The following ABCC2 variants were observed in gnomAD, a reference collection of about 807,000 sequenced individuals.
ABCC2 encodes ATP binding cassette subfamily C member 2.
In ABCC2, 157 loss-of-function variants were observed where a neutral mutation model predicts 173.4. That is an observed-to-expected ratio of 0.91 (90% confidence interval 0.80 to 1.03). ABCC2 has a LOEUF of 1.03. Ranked by LOEUF, ABCC2 falls within the 50% of genes least tolerant of loss-of-function variation. The pLI is 0.00. For missense variants in ABCC2, 1,822 were observed against 1,852.3 expected (o/e 0.98, Z 0.30); for synonymous variants, 657 against 693.5 (o/e 0.95, Z 0.83).
At chr10:99,809,159 C>T (rs575684716) in intron 13 of ABCC2, among the ~76,000 whole-genome samples, 1 of 152,138 alleles carries the variant, frequency 6.6e-6, no homozygotes, top group African/African-American at 2.4e-5. Flanking sequence ...TTGAGACCAG[C>T]CTGGCCAACA....
rs1190466156 is a variant in ABCC2, at chr10:99,795,720, GAAGA to G, written c.632+1266_632+1269del. On this transcript the variant is annotated intron_variant, in intron 6 of 31. Coordinates refer to ENST00000647814, the MANE Select transcript of ABCC2 (RefSeq NM_000392.5). ...ATCAAAAGAAAGAGAGAGAGAGAGA[GAAGA>G]AAGAAAGAAAGAAGGAAAGAAAGAA... is the stretch of plus-strand genomic sequence containing the variant. 3.9e-3 allele frequency among the ~76,000 whole-genome samples: 482 copies of G among 122,756 alleles called. 7 individuals are homozygous for G. Among genetic ancestry groups the G allele is most frequent in the Middle Eastern group, 0.017 (4 of 242 alleles). 80.5% of individuals were successfully genotyped at this position (122,756 alleles called of 152,430 possible).
chr10:99,814,192 CATGT>C (rs1203107954), intron 16 of ABCC2, among the ~76,000 whole-genome samples: 45 of 81,630 alleles, frequency 5.5e-4, no homozygotes, highest in Middle Eastern at 0.01. Flanking sequence ...TGTATACACA[CATGT>C]GTATATATAC....
Position 99,831,827 on chromosome 10 carries a change from C to A in ABCC2, c.3100C>A (p.Gln1034Lys). 1 of 1,614,044 alleles carries A rather than the reference C, an allele frequency of 6.2e-7. No homozygotes were observed. The highest frequency in any genetic ancestry group is 2.2e-5 in the East Asian group (1 of 44,882). The part of the protein sequence containing the change: ...VGVYGALGLA[Q>K]GIFVFIAHFW... ...AGTCTACGGAGCTCTGGGATTAGCC[C>A]AAGGTATGTCTGATGGCTATGACAT... is the stretch of plus-strand genomic sequence containing the variant. Residue 1034 changes from glutamine (Q) to lysine (K), a missense_variant, in exon 22 of 32, where the codon CAA becomes AAA. By Grantham distance (53) the Gln-to-Lys change is moderately conservative (BLOSUM62 1). Coordinates refer to ENST00000647814, the MANE Select transcript of ABCC2 (RefSeq NM_000392.5).
chr10:99,832,772 A>G (rs1379949005), intron 23 of ABCC2, among the ~76,000 whole-genome samples: 1 of 152,226 alleles, frequency 6.6e-6, no homozygotes, highest in African/African-American at 2.4e-5. Flanking sequence ...TATTGTTTCC[A>G]TCTACCACAG....
At chr10:99,819,837 C>T (rs943810269) in intron 19 of ABCC2, among the ~76,000 whole-genome samples, 6 of 152,218 alleles carry the variant, frequency 3.9e-5, no homozygotes, top group Non-Finnish European at 5.9e-5. Context: ...ATATCACCAC[C>T]ATTGGGTTCA....
chr10:99,808,035 G>T, intron 12 of ABCC2, 48 bp from the exon 13 acceptor site: 1 of 1,605,858 alleles, frequency 6.2e-7, no homozygotes, highest in Non-Finnish European at 8.5e-7. Context: ...GCACAATGCT[G>T]CTTGGTCCCT....
chr10:99,835,103 A>G (rs2038799959), intron 24 of ABCC2, among the ~76,000 whole-genome samples: 2 of 152,184 alleles, frequency 1.3e-5, no homozygotes, highest in Non-Finnish European at 1.5e-5. Context: ...GAACGAGTGG[A>G]AGGAACCCTA....
chr10:99,832,477 G>C (rs2038757527), intron 23 of ABCC2, among the ~76,000 whole-genome samples: 1 of 152,216 alleles, frequency 6.6e-6, no homozygotes, highest in Admixed American at 6.5e-5. Flanking sequence ...ATAAAGGTGG[G>C]AAATGTCAGA....
Position 99,804,244 on chromosome 10 carries a change from A to G in ABCC2, c.1435A>G (p.Ile479Val). ...VMVLVIPINA[I>V]LSTKSKTIQV... The stretch of plus-strand genomic sequence containing the variant: ...GGTGCTTGTAATCCCAATTAATGCG[A>G]TACTGTCCACCAAGAGTAAGACCAT... The change falls in exon 10 of 32, where the codon ATA (isoleucine) becomes GTA (valine). Residue 479 changes from isoleucine (I) to valine (V), a missense_variant. Transcript: ENST00000647814. 6.2e-7 allele frequency: 1 copy of G among 1,614,108 alleles called. No individual in the cohort carries two copies. The highest frequency in any genetic ancestry group is 8.5e-7 in the Non-Finnish European group (1 of 1,180,002).
rs761462953 is a variant in ABCC2, at chr10:99,800,472, T to G, written c.1118T>G (p.Ile373Ser). 6.2e-7 allele frequency: 1 copy of G among 1,614,194 alleles called. No individual in the cohort carries two copies. The highest frequency in any genetic ancestry group is 8.5e-7 in the Non-Finnish European group (1 of 1,180,026). ...ATCCTCTTATTCACTGCGGCTCTCA[T>G]TCAGTCTTTCTGCCTTCAGTGTTAT... is the stretch of plus-strand genomic sequence containing the variant. ...CAILLFTAALIQSFCLQCYFQ... is the reference protein window; with the variant it reads ...CAILLFTAALSQSFCLQCYFQ... The change falls in exon 9 of 32, where the codon ATT becomes AGT. Residue 373 changes from isoleucine to serine, a missense_variant. Transcript: ENST00000647814.
intron 2 of ABCC2, among the ~76,000 whole-genome samples, chr10:99,790,094 G>A (rs2037788117): frequency 6.6e-6 from 1 of 152,200 alleles, no homozygotes; most frequent in Admixed American, 6.5e-5. Flanking sequence ...GTGTATACAA[G>A]TGTGTCTATA....
intron 31 of ABCC2, 33 bp downstream of exon 31, chr10:99,850,829 G>A (rs1424432664): frequency 1.2e-6 from 2 of 1,612,288 alleles, no homozygotes; most frequent in Middle Eastern, 1.6e-4. Flanking sequence ...TGACACGGAT[G>A]GCTTAACCCT....
intron 27 of ABCC2, 60 bp from the exon 28 acceptor site, chr10:99,844,262 G>C: frequency 1.2e-6 from 2 of 1,603,476 alleles, no homozygotes; most frequent in Admixed American, 3.3e-5. Context: ...AGTCCTGGGT[G>C]GACTGTTCGG....
intron 14 of ABCC2, among the ~76,000 whole-genome samples, chr10:99,811,240 G>C (rs1004985208): frequency 1.3e-5 from 2 of 151,654 alleles, no homozygotes; most frequent in East Asian, 3.9e-4. Context: ...TGAGGTCGGA[G>C]AATCTCTTGA....
In ABCC2 at chr10:99,851,546, C is replaced by G. The variant is rs768015709; in HGVS notation, c.4553C>G (p.Pro1518Arg). The change falls in exon 32 of 32, where the codon CCT (proline) becomes CGT (arginine). Residue 1518 changes from proline (P) to arginine (R), a missense_variant. Transcript: ENST00000647814. ...GGGAAGATTATAGAGTGCGGCAGCC[C>G]TGAAGAACTGCTACAAATCCCTGGA... Reference protein sequence around the residue: ...DNGKIIECGSPEELLQIPGPF... With the variant: ...DNGKIIECGSREELLQIPGPF... The G allele has an allele frequency of 1.2e-6, 2 of 1,614,098 alleles. No individual in the cohort carries two copies. The highest frequency in any genetic ancestry group is 1.7e-6 in the Non-Finnish European group (2 of 1,180,010).
At chr10:99,833,637 AT>A (rs2038773470) in intron 23 of ABCC2, among the ~76,000 whole-genome samples, 1 of 152,142 alleles carries the variant, frequency 6.6e-6, no homozygotes, top group East Asian at 1.9e-4. Flanking sequence ...GGGTATAGTT[AT>A]TTGCATTCTG....
At chr10:99,844,002 A>G (rs2133146098) in intron 27 of ABCC2, 102 bp downstream of exon 27, 1 of 1,023,570 alleles carries the variant, frequency 9.8e-7, no homozygotes. Flanking sequence ...TGGGCCCATA[A>G]TGGGTCCCTA....
Position 99,817,486 on chromosome 10 carries a change from T to G in ABCC2, c.2271+2T>G. On this transcript the variant is annotated splice_donor_variant, in intron 17 of 31. Coordinates refer to ENST00000647814, the MANE Select transcript of ABCC2 (RefSeq NM_000392.5). LOFTEE classifies it high-confidence loss of function. Reference sequence around the variant, plus strand: ...GATTTGGCTGAGATTGGAGAGAAGGTACTTGGGATAACAAGGGATCTTCAA... The same window carrying G: ...GATTTGGCTGAGATTGGAGAGAAGGGACTTGGGATAACAAGGGATCTTCAA... The G allele has an allele frequency of 6.2e-7, 1 of 1,614,100 alleles. No individual in the cohort carries two copies. The highest frequency in any genetic ancestry group is 1.1e-5 in the South Asian group (1 of 91,078).
At position 99,799,346 on chromosome 10, in the gene ABCC2, C is replaced by A. The variant is rs149854486; in HGVS notation, c.1007C>A (p.Thr336Lys). The A allele has an allele frequency of 1.9e-6, 3 of 1,614,172 alleles. No homozygotes were observed. The Admixed American group carries it at 5.0e-5, about 27-fold the overall frequency. ...CTGAAGCTAGTGAATGACATCTTCA[C>A]GTTTGTGAGTCCTCAGCTGCTGAAG... is the stretch of plus-strand genomic sequence containing the variant. ...FLLKLVNDIFTFVSPQLLKLL... is the reference protein window; with the variant it reads ...FLLKLVNDIFKFVSPQLLKLL... Residue 336 changes from threonine to lysine, a missense_variant, in exon 8 of 32, where the codon ACG (threonine) becomes AAG (lysine). Physicochemically the swap from Thr to Lys is moderately conservative, Grantham distance 78. Coordinates refer to ENST00000647814, the MANE Select transcript of ABCC2 (RefSeq NM_000392.5).
Sources: gnomAD v4.1 joint callset for allele counts (sites outside exome capture counted in the v4.1 genomes callset) on GRCh38, gnomAD v4.1.1 for gene constraint, MANE v1.5 for transcripts, NCBI Gene and HGNC (gene_info 2026-07-23, HGNC 2026-07-21) for gene names.